Variants in INTS2 observed in about 807,000 individuals in gnomAD.
The protein encoded by INTS2 is integrator complex subunit 2, also known as KIAA1287.
In INTS2, 57 loss-of-function variants were observed where a neutral mutation model predicts 139.6. That is an observed-to-expected ratio of 0.41 (90% CI 0.33 to 0.51). The LOEUF (loss-of-function observed/expected upper bound fraction) is 0.51, where lower values mean the gene tolerates loss of function less well. INTS2 is among the 20% of genes least tolerant of loss of function. INTS2 has a pLI of 0.28. For synonymous variants in INTS2, 473 were observed against 493.4 expected, an observed-to-expected ratio of 0.96 and a Z score of 0.55; for missense variants, 1,196 against 1,436.7, an observed-to-expected ratio of 0.83 and a Z score of 2.71.
chr17:61,898,396 G>A (rs139827669), intron 9 of INTS2, among the ~76,000 whole-genome samples: 2 of 152,072 alleles, frequency 1.3e-5, no homozygotes, highest in Non-Finnish European at 2.9e-5. Flanking sequence ...CCAAGCTCAA[G>A]TGATCCTCCC....
chr17:61,868,090 T>A lies in INTS2; in HGVS notation c.3245-81A>T, dbSNP rs868216687. On this transcript the variant is annotated intron_variant, in intron 23 of 24. Transcript: ENST00000251334. This position sits in a 1 kb window ranked among gnomAD's most constrained non-coding sequence, Gnocchi z 4.7. ...TTACACAACATACTAAGGGGAACTA[T>A]GCTCTGTGCTGGAGATATGAAGTTC... 72 of 1,161,232 alleles carry A rather than the reference T, an allele frequency of 6.2e-5. No individual in the cohort carries two copies. The Middle Eastern group carries it at 5.1e-3, about 82-fold the overall frequency. 71.9% of individuals were successfully genotyped at this position (1,161,232 alleles called of 1,614,324 possible). A position where few individuals can be genotyped will look rare whatever the true frequency, so the allele number is the denominator to read the frequency against.
rs1567884902 is a variant in INTS2, at chr17:61,867,749, C to A, written c.3422-23G>T. ...GACCTACAACATAAGGGAAAAAAAA[C>A]ATTAAGGCCAAGAAATTTGGAAAGG... is the stretch of plus-strand genomic sequence containing the variant. On this transcript the variant is annotated intron_variant, in intron 24 of 24. Transcript: ENST00000251334. This position sits in a 1 kb window ranked among gnomAD's most constrained non-coding sequence, Gnocchi z 5.6. 3 of 1,564,172 alleles carry A rather than the reference C, an allele frequency of 1.9e-6. No homozygotes were observed. The highest frequency in any genetic ancestry group is 2.6e-6 in the Non-Finnish European group (3 of 1,157,368).
intron 9 of INTS2, among the ~76,000 whole-genome samples, chr17:61,898,159 A>G (rs769015839): frequency 1.3e-5 from 2 of 152,238 alleles, no homozygotes; most frequent in Non-Finnish European, 2.9e-5. Context: ...AGTAATGAGC[A>G]GTCCATCTTC....
intron 19 of INTS2, chr17:61,874,266 C>T (rs1160163127): frequency 6.6e-6 from 1 of 152,166 alleles, no homozygotes; most frequent in African/African-American, 2.4e-5. Flanking sequence ...TTTACCACAC[C>T]ATTCATCTAC....
At chr17:61,911,021 AAC>A (rs1462433916) in intron 7 of INTS2, 1 of 154,762 alleles carries the variant, frequency 6.5e-6, no homozygotes, top group African/African-American at 2.4e-5. Context: ...TGTTTGGGAA[AAC>A]ACAGTTAGTT....
chr17:61,924,687 G>A (rs1309913856), intron 3 of INTS2, among the ~76,000 whole-genome samples: 2 of 151,990 alleles, frequency 1.3e-5, no homozygotes. Context: ...AAATTAGCTG[G>A]GCGTGGTGGC....
rs2079365042 is a variant in INTS2, at chr17:61,897,841, C to G, written c.1308-102G>C. On this transcript the variant is annotated intron_variant, in intron 9 of 24. Coordinates refer to ENST00000251334, the MANE Select transcript of INTS2 (RefSeq NM_001351695.2). This position sits in a 1 kb window ranked among gnomAD's most constrained non-coding sequence, Gnocchi z 4.4. Reference sequence around the variant, plus strand: ...TTTTTGGTAGAAATTATTTTTCCTGCCCTATTTTCAAGTATCAAGTCAAAT... The same window carrying G: ...TTTTTGGTAGAAATTATTTTTCCTGGCCTATTTTCAAGTATCAAGTCAAAT... The G allele has an allele frequency of 1.2e-6, 1 of 851,830 alleles. No homozygotes were observed. Among genetic ancestry groups the G allele is most frequent in the African/African-American group, 1.7e-5 (1 of 58,452 alleles). The allele number at this position is 851,830 out of a possible 1,614,324, so 52.8% of individuals were successfully genotyped here.
In INTS2 at chr17:61,868,930, T is replaced by C; in HGVS notation, c.3244+104A>G. 3 of 678,834 alleles carry C rather than the reference T, an allele frequency of 4.4e-6. No individual in the cohort carries two copies. Among genetic ancestry groups the C allele is most frequent in the Non-Finnish European group, 7.7e-6 (3 of 388,330 alleles). The allele number at this position is 678,834 out of a possible 1,614,324, so 42.1% of individuals were successfully genotyped here. A position where few individuals can be genotyped will look rare whatever the true frequency, so the allele number is the denominator to read the frequency against. On this transcript the variant is annotated intron_variant, in intron 23 of 24. Transcript: ENST00000251334. The surrounding 1 kb of genome is among the most constrained non-coding windows in gnomAD (Gnocchi z 4.7). ...GTATTTAACACATATTGTATCATAC[T>C]GTCTCAGAGTGACAGAAAAAACATA...
In INTS2 at chr17:61,895,352, A is replaced by G. The variant is rs376077437; in HGVS notation, c.1526T>C (p.Met509Thr). Residue 509 changes from methionine to threonine, a missense_variant, in exon 12 of 25, where the codon ATG (methionine) becomes ACG (threonine). This residue lies in a region of INTS2 where 1,129 missense variants were observed against 1,341.9 expected (regional missense o/e 0.84). Coordinates refer to ENST00000251334, the MANE Select transcript of INTS2 (RefSeq NM_001351695.2). ...IVIKPSSLSR[M>T]KTIFTQEIFT... ...AATTTCCTGTGTGAAGATTGTCTTC[A>G]TCCTGCTCAAGGAGCTTGGCTTAAT... The G allele has an allele frequency of 2.8e-5, 44 of 1,585,634 alleles. No individual in the cohort carries two copies. The highest frequency in any genetic ancestry group is 2.3e-4 in the Admixed American group (12 of 52,870).
chr17:61,904,569 C>A lies in INTS2; in HGVS notation c.1198G>T (p.Ala400Ser), dbSNP rs763426363. ...IAGLKPTEEEAEQLLQLMTSR... is the reference protein window; with the variant it reads ...IAGLKPTEEESEQLLQLMTSR... Reference sequence around the variant, plus strand: ...GTCATCAACTGCAGTAATTGCTCAGCTTCTTCTTCAGTTGGTCTAAAAAGG... The same window carrying A: ...GTCATCAACTGCAGTAATTGCTCAGATTCTTCTTCAGTTGGTCTAAAAAGG... Residue 400 changes from alanine (A) to serine (S), a missense_variant, in exon 9 of 25, where the codon GCT (alanine) becomes TCT (serine). Around this residue, in one of 3 missense-constraint regions of INTS2, gnomAD observed 1,129 missense variants for 1,341.9 expected, o/e 0.84. Coordinates refer to ENST00000251334, the MANE Select transcript of INTS2 (RefSeq NM_001351695.2). The A allele has an allele frequency of 9.3e-6, 15 of 1,610,936 alleles. No homozygotes were observed. The highest frequency in any genetic ancestry group is 1.3e-5 in the Non-Finnish European group (15 of 1,178,820).
Position 61,868,002 on chromosome 17 carries a change from T to C in INTS2, c.3252A>G (p.Thr1084=). ...NVMGTLLTVL[T]QAKRYAFFMP... ...TAAAAAAAGCATACCGCTTAGCCTG[T>C]GTTAAAACTGTTGGAAAAAAATGAA... The change falls in exon 24 of 25, where the codon ACA becomes ACG. Residue 1084 remains threonine (T), a synonymous_variant. Transcript: ENST00000251334. This position sits in a 1 kb window ranked among gnomAD's most constrained non-coding sequence, Gnocchi z 4.7. 6.4e-7 allele frequency: 1 copy of C among 1,573,474 alleles called. No homozygotes were observed. The highest frequency in any genetic ancestry group is 8.6e-7 in the Non-Finnish European group (1 of 1,167,190).
rs926370808 is a variant in INTS2, at chr17:61,866,274, T to G, written c.*1283A>C. 5.3e-5 allele frequency: 8 copies of G among 151,784 alleles called. No homozygotes were observed. The highest frequency in any genetic ancestry group is 1.9e-4 in the African/African-American group (8 of 41,294). The allele number at this position is 151,784 out of a possible 1,614,324, so 9.4% of individuals were successfully genotyped here. Reference sequence around the variant, plus strand: ...CAGGAGGTTGAGGCACGAGAATCCCTTGAACCCAGGTGGCAGAAGTTGCAG... The same window carrying G: ...CAGGAGGTTGAGGCACGAGAATCCCGTGAACCCAGGTGGCAGAAGTTGCAG... On this transcript the variant is annotated 3_prime_UTR_variant, in exon 25 of 25. Transcript: ENST00000251334.
chr17:61,924,945 G>C lies in INTS2; in HGVS notation c.432+16C>G, dbSNP rs751658838. On this transcript the variant is annotated intron_variant, in intron 3 of 24. Coordinates refer to ENST00000251334, the MANE Select transcript of INTS2 (RefSeq NM_001351695.2). ...CAAATCATGCATACTTTGAGCTGTGGTTAAAAGAAATGCACCTTGTTCATA... is the reference window on the plus strand; with the variant it reads ...CAAATCATGCATACTTTGAGCTGTGCTTAAAAGAAATGCACCTTGTTCATA... 1.2e-6 allele frequency: 2 copies of C among 1,608,232 alleles called. No homozygotes were observed. The highest frequency in any genetic ancestry group is 1.7e-6 in the Non-Finnish European group (2 of 1,177,074).
At position 61,901,615 on chromosome 17, in the gene INTS2, T is replaced by TC. The variant is rs1361867455; in HGVS notation, c.1307+2844dup. On this transcript the variant is annotated intron_variant, in intron 9 of 24. Transcript: ENST00000251334. ...TTTTTTTTTTTTTTTTTTTTTTTTTTCTGAGATGCAGTCCCGCTCTGTAGC... is the reference window on the plus strand; with the variant it reads ...TTTTTTTTTTTTTTTTTTTTTTTTTTCCTGAGATGCAGTCCCGCTCTGTAGC... Among the ~76,000 whole-genome samples, 70 of 110,900 alleles carry TC rather than the reference T, an allele frequency of 6.3e-4. 1 individual carries two copies. Among genetic ancestry groups the TC allele is most frequent in the Non-Finnish European group, 1.0e-3 (56 of 53,822 alleles). The allele number at this position is 110,900 out of a possible 152,430, so 72.8% of individuals were successfully genotyped here. A position where few individuals can be genotyped will look rare whatever the true frequency, so the allele number is the denominator to read the frequency against.
At chr17:61,924,940 C>G in intron 3 of INTS2, 21 bp downstream of exon 3, 3 of 1,606,994 alleles carry the variant, frequency 1.9e-6, no homozygotes, top group Non-Finnish European at 2.6e-6. Flanking sequence ...ATACTTTGAG[C>G]TGTGGTTAAA....
At position 61,871,947 on chromosome 17, in the gene INTS2, A is replaced by AAT. The variant is rs893420566; in HGVS notation, c.2778+317_2778+318insAT. 1 of 183,456 alleles carries AAT rather than the reference A, an allele frequency of 5.5e-6. No individual in the cohort carries two copies. Among genetic ancestry groups the AAT allele is most frequent in the African/African-American group, 2.3e-5 (1 of 42,728 alleles). The allele number at this position is 183,456 out of a possible 1,614,324, so 11.4% of individuals were successfully genotyped here. A position where few individuals can be genotyped will look rare whatever the true frequency, so the allele number is the denominator to read the frequency against. ...AAACTCTGTCTCAAAAAACAAAAAA[A>AAT]ACAAAAAAAATGTGCCGAATGAATA... On this transcript the variant is annotated intron_variant, in intron 20 of 24. Transcript: ENST00000251334. The surrounding 1 kb of genome is among the most constrained non-coding windows in gnomAD (Gnocchi z 4.9).
chr17:61,902,981 A>G (rs2079423100), intron 9 of INTS2, among the ~76,000 whole-genome samples: 4 of 151,384 alleles, frequency 2.6e-5, no homozygotes, highest in Non-Finnish European at 5.9e-5. Context: ...CGTGGCTAAC[A>G]TGGTGAAACC....
chr17:61,917,028 T>A (rs536750920), intron 5 of INTS2, among the ~76,000 whole-genome samples: 1 of 151,526 alleles, frequency 6.6e-6, no homozygotes, highest in South Asian at 2.1e-4. Flanking sequence ...CCAAAAAACA[T>A]GAAAAAAAAT....
At chr17:61,921,558 T>C (rs1188699713) in intron 4 of INTS2, among the ~76,000 whole-genome samples, 167 bp downstream of exon 4, 5 of 152,196 alleles carry the variant, frequency 3.3e-5, no homozygotes, top group Admixed American at 6.5e-5. Context: ...GAAAATAATA[T>C]AATTTACTTA....
Sources: gnomAD v4.1 joint callset for allele counts (sites outside exome capture counted in the v4.1 genomes callset) on GRCh38, gnomAD v4.1.1 for gene constraint, gnomAD v4.1.1 regional missense constraint, Gnocchi (gnomAD v3.1) non-coding constraint, MANE v1.5 for transcripts, NCBI Gene and HGNC (gene_info 2026-07-23, HGNC 2026-07-21) for gene names.